LUZP2: variants seen among roughly 807,000 people sequenced by gnomAD.
LUZP2 encodes the protein leucine zipper protein 2.
LUZP2 carries 52 observed loss-of-function variants against 51.6 expected under a neutral mutation model. The observed-to-expected ratio is 1.01, with a 90% CI of 0.81 to 1.27. LUZP2 has a LOEUF of 1.27. LUZP2 is among the 50% of genes most tolerant of loss of function. LUZP2 has a pLI of 0.00. For synonymous variants in LUZP2, 154 were observed against 137.3 expected, an observed-to-expected ratio of 1.12 and a Z score of -0.85; for missense variants, 436 against 395.4, an observed-to-expected ratio of 1.10 and a Z score of -0.87.
intron 1 of LUZP2, among the ~76,000 whole-genome samples, chr11:24,634,135 C>T (rs1326017578): frequency 6.6e-6 from 1 of 151,878 alleles, no homozygotes; most frequent in African/African-American, 2.4e-5. Context: ...CTTCAGTCAT[C>T]TTATATGTAA....
At chr11:24,985,358 T>C (rs1856159769) in intron 9 of LUZP2, among the ~76,000 whole-genome samples, 2 of 151,758 alleles carry the variant, frequency 1.3e-5, no homozygotes, top group African/African-American at 4.8e-5. Flanking sequence ...ATGACGTATC[T>C]TTTATGTCTT....
At chr11:24,751,068 T>A (rs2134008661) in intron 4 of LUZP2, among the ~76,000 whole-genome samples, 1 of 152,274 alleles carries the variant, frequency 6.6e-6, no homozygotes, top group Non-Finnish European at 1.5e-5. Context: ...GAATAAACCA[T>A]TTTCTTTTTG....
chr11:24,868,372 A>G (rs1851959257), intron 5 of LUZP2, among the ~76,000 whole-genome samples: 1 of 152,152 alleles, frequency 6.6e-6, no homozygotes, highest in South Asian at 2.1e-4. Context: ...ACTGCATTCC[A>G]TATTCTTGTC....
At chr11:24,583,955 G>T (rs1196683365) in intron 1 of LUZP2, among the ~76,000 whole-genome samples, 1 of 151,510 alleles carries the variant, frequency 6.6e-6, no homozygotes, top group Non-Finnish European at 1.5e-5. Flanking sequence ...CTTGTGATCC[G>T]CCGGTCTCGG....
intron 5 of LUZP2, among the ~76,000 whole-genome samples, chr11:24,832,634 G>A (rs1259041992): frequency 6.6e-6 from 1 of 151,254 alleles, no homozygotes; most frequent in Non-Finnish European, 1.5e-5. Flanking sequence ...TAAAGTTTGA[G>A]ACACACTATA....
At chr11:24,565,776 AG>A (rs1363411909) in intron 1 of LUZP2, among the ~76,000 whole-genome samples, 3 of 152,322 alleles carry the variant, frequency 2.0e-5, no homozygotes, top group Admixed American at 1.3e-4. Flanking sequence ...ACAAACCAAA[AG>A]TAAACAAAAA....
intron 1 of LUZP2, among the ~76,000 whole-genome samples, chr11:24,587,738 T>C (rs1237462808): frequency 6.6e-6 from 1 of 152,126 alleles, no homozygotes; most frequent in East Asian, 1.9e-4. Context: ...GAAACAACTA[T>C]GACACAATCT....
chr11:24,547,506 G>A (rs11028001), intron 1 of LUZP2, among the ~76,000 whole-genome samples: 29,281 of 152,016 alleles, frequency 0.19, 3,435 homozygotes, highest in Middle Eastern at 0.36. Flanking sequence ...GAGATAACTA[G>A]TTAGTCATAT....
intron 5 of LUZP2, among the ~76,000 whole-genome samples, chr11:24,899,199 A>T (rs1237923938): frequency 6.6e-6 from 1 of 152,146 alleles, no homozygotes; most frequent in Admixed American, 6.5e-5. Flanking sequence ...TTTACACCAA[A>T]TTATGTGTCT....
intron 9 of LUZP2, among the ~76,000 whole-genome samples, chr11:25,018,978 A>G (rs1228256889): frequency 6.6e-6 from 1 of 152,168 alleles, no homozygotes; most frequent in Non-Finnish European, 1.5e-5. Flanking sequence ...GCAGAAAGTA[A>G]AGAGAGTTCC....
intron 1 of LUZP2, among the ~76,000 whole-genome samples, chr11:24,529,161 C>G (rs893094457): frequency 1.3e-5 from 2 of 151,016 alleles, no homozygotes; most frequent in African/African-American, 4.8e-5. Context: ...TTCCCCCACC[C>G]TCTACTGGAC....
intron 5 of LUZP2, among the ~76,000 whole-genome samples, chr11:24,878,869 T>C (rs1852362733): frequency 6.6e-6 from 1 of 152,012 alleles, no homozygotes. Context: ...GAATGTGTGG[T>C]GTTTGGTTTT....
chr11:24,920,474 A>G (rs763164991), intron 7 of LUZP2, among the ~76,000 whole-genome samples: 9 of 152,080 alleles, frequency 5.9e-5, no homozygotes, highest in Non-Finnish European at 1.2e-4. Context: ...TAATTAAATC[A>G]AAACTTATCT....
At chr11:24,827,900 T>A (rs948276008) in intron 5 of LUZP2, among the ~76,000 whole-genome samples, 4 of 152,062 alleles carry the variant, frequency 2.6e-5, no homozygotes, top group African/African-American at 9.7e-5. Context: ...TGGAAATGAA[T>A]GTCACTCTAG....
chr11:24,829,408 C>A (rs1272590553), intron 5 of LUZP2, among the ~76,000 whole-genome samples: 1 of 152,122 alleles, frequency 6.6e-6, no homozygotes, highest in Admixed American at 6.5e-5. Context: ...CAGCTTTCTG[C>A]AAACACATAA....
At chr11:24,871,817 A>C (rs1191576384) in intron 5 of LUZP2, among the ~76,000 whole-genome samples, 1 of 152,150 alleles carries the variant, frequency 6.6e-6, no homozygotes, top group Non-Finnish European at 1.5e-5. Flanking sequence ...TCTAAGAATG[A>C]CTGACCCACA....
At chr11:24,572,391 T>C (rs1258110281) in intron 1 of LUZP2, among the ~76,000 whole-genome samples, 7 of 151,208 alleles carry the variant, frequency 4.6e-5, no homozygotes, top group African/African-American at 1.7e-4. Flanking sequence ...GTTTATATAC[T>C]TTTTTTTTGA....
At chr11:24,577,122 A>G (rs1385678248) in intron 1 of LUZP2, among the ~76,000 whole-genome samples, 1 of 148,254 alleles carries the variant, frequency 6.7e-6, no homozygotes, top group Non-Finnish European at 1.5e-5. Context: ...TACTATGGTG[A>G]ATAGTATAAT....
chr11:24,926,429 A>G (rs35266672), intron 7 of LUZP2, among the ~76,000 whole-genome samples: 5 of 136,490 alleles, frequency 3.7e-5, no homozygotes, highest in African/African-American at 1.1e-4. Flanking sequence ...ATATGTGTGT[A>G]TATATATACG....
Sources: allele counts gnomAD v4.1 joint callset (sites outside exome capture counted in the v4.1 genomes callset), GRCh38; gene constraint gnomAD v4.1.1; transcripts MANE v1.5; gene names NCBI Gene and HGNC (gene_info 2026-07-23, HGNC 2026-07-21).